Variants in EGF observed in about 807,000 individuals in gnomAD.
EGF encodes the protein epidermal growth factor.
In EGF, 95 loss-of-function variants were observed where a neutral mutation model predicts 143.8. The ratio of observed to expected loss-of-function variants is 0.66; its 90% CI spans 0.56 to 0.78. EGF has a LOEUF of 0.78. EGF is among the 30% of genes least tolerant of loss of function. EGF has a pLI of 0.00. For synonymous variants in EGF, 510 were observed against 510.5 expected, an observed-to-expected ratio of 1.00 and a Z score of 0.01; for missense variants, 1,320 against 1,470.9, an observed-to-expected ratio of 0.90 and a Z score of 1.68.
At chr4:109,980,216 T>TG in intron 14 of EGF, 77 bp downstream of exon 14, 2 of 1,399,554 alleles carry the variant, frequency 1.4e-6, no homozygotes, top group Non-Finnish European at 1.9e-6. Context: ...GTCATGCAGT[T>TG]GGCGGGGGGG....
At chr4:109,932,360 C>CATATATAT (rs57424246) in intron 1 of EGF, among the ~76,000 whole-genome samples, 880 of 86,986 alleles carry the variant, frequency 0.01, 63 homozygotes, top group African/African-American at 0.036. Context: ...CCCATTTAGT[C>CATATATAT]ATATATATAT....
intron 5 of EGF, among the ~76,000 whole-genome samples, chr4:109,948,546 C>T (rs771618664): frequency 2.0e-5 from 3 of 151,964 alleles, no homozygotes; most frequent in East Asian, 1.9e-4. Context: ...GTGCAATGTG[C>T]GATCTCGGCT....
At chr4:110,006,839 C>A (rs1753376194) in intron 22 of EGF, among the ~76,000 whole-genome samples, 1 of 152,228 alleles carries the variant, frequency 6.6e-6, no homozygotes, top group South Asian at 2.1e-4. Flanking sequence ...GCAACTGCTG[C>A]TGTAGATATC....
chr4:109,938,367 G>A (rs983579311), intron 1 of EGF, among the ~76,000 whole-genome samples: 5 of 152,142 alleles, frequency 3.3e-5, no homozygotes, highest in Admixed American at 3.3e-4. Context: ...GCTACATCAG[G>A]TCATTTAAGC....
chr4:109,991,747 G>T (rs573903420), intron 18 of EGF, among the ~76,000 whole-genome samples: 1 of 152,074 alleles, frequency 6.6e-6, no homozygotes, highest in African/African-American at 2.4e-5. Context: ...GAATCTTTAG[G>T]ATCTGAACTT....
intron 18 of EGF, 103 bp from the exon 19 acceptor site, chr4:109,993,144 A>G (rs1751269775): frequency 3.4e-6 from 5 of 1,470,154 alleles, no homozygotes; most frequent in Non-Finnish European, 4.7e-6. Flanking sequence ...AACATATAGC[A>G]TGACAGAAGC....
At chr4:109,981,963 C>T (rs1282595210) in intron 15 of EGF, among the ~76,000 whole-genome samples, 1 of 151,734 alleles carries the variant, frequency 6.6e-6, no homozygotes, top group African/African-American at 2.4e-5. Flanking sequence ...CAGGGTCTCC[C>T]TCTGTTGCTC....
intron 23 of EGF, 72 bp from the exon 24 acceptor site, chr4:110,011,130 C>A: frequency 6.4e-7 from 1 of 1,564,080 alleles, no homozygotes. Context: ...TCAACCACTA[C>A]CGTTTAGGGT....
At chr4:109,999,590 G>A in intron 20 of EGF, 89 bp from the exon 21 acceptor site, 1 of 1,532,862 alleles carries the variant, frequency 6.5e-7, no homozygotes, top group Non-Finnish European at 9.0e-7. Flanking sequence ...GAAATGCAGA[G>A]GTTGAGAGAC....
chr4:110,011,616 G>A lies in EGF; in HGVS notation c.*161G>A, dbSNP rs1374980005. ...CAGATACGTAGTTGTGCTTTTGTTT[G>A]CTCTTTTAAGCAGTCTCACTGCAGT... On this transcript the variant is annotated 3_prime_UTR_variant, in exon 24 of 24. Coordinates refer to ENST00000265171, the MANE Select transcript of EGF (RefSeq NM_001963.6). The A allele has an allele frequency of 2.7e-6, 3 of 1,090,918 alleles. No homozygotes were observed. The highest frequency in any genetic ancestry group is 3.2e-5 in the African/African-American group (2 of 63,450). The allele number at this position is 1,090,918 out of a possible 1,614,324, so 67.6% of individuals were successfully genotyped here.
In EGF at chr4:109,969,101, T is replaced by G; in HGVS notation, c.1706T>G (p.Phe569Cys). 1.2e-6 allele frequency: 2 copies of G among 1,614,042 alleles called. No individual in the cohort carries two copies. The highest frequency in any genetic ancestry group is 1.7e-6 in the Non-Finnish European group (2 of 1,179,964). ...GLAVDWIGRRFYWTDRGKSLI... is the reference protein window; with the variant it reads ...GLAVDWIGRRCYWTDRGKSLI... ...GCTGTGGACTGGATTGGCCGTAGAT[T>G]CTATTGGACAGACAGAGGGTATGTT... The change falls in exon 11 of 24, where the codon TTC (phenylalanine) becomes TGC (cysteine). Residue 569 changes from phenylalanine (F) to cysteine (C), a missense_variant. This residue lies in a region of EGF where 1,186 missense variants were observed against 1,313.7 expected (regional missense o/e 0.90). Coordinates refer to ENST00000265171, the MANE Select transcript of EGF (RefSeq NM_001963.6).
intron 1 of EGF, among the ~76,000 whole-genome samples, chr4:109,935,859 G>T (rs1045524470): frequency 1.3e-5 from 2 of 152,282 alleles, no homozygotes; most frequent in East Asian, 3.9e-4. Flanking sequence ...ATTGATTTGC[G>T]TATGTTGAAC....
At chr4:109,961,524 A>C (rs1745697384) in intron 7 of EGF, among the ~76,000 whole-genome samples, 1 of 152,016 alleles carries the variant, frequency 6.6e-6, no homozygotes, top group Admixed American at 6.6e-5. Flanking sequence ...TTTTATTTTA[A>C]TTTTTTAATT....
rs373046487 is a variant in EGF, at chr4:109,961,853, T to C, written c.1190-10T>C. The C allele has an allele frequency of 4.5e-4, 723 of 1,613,560 alleles. 13 individuals carry two copies. The South Asian group carries it at 6.9e-3, about 15-fold the overall frequency. On this transcript the variant is annotated splice_polypyrimidine_tract_variant and intron_variant, in intron 7 of 23. Coordinates refer to ENST00000265171, the MANE Select transcript of EGF (RefSeq NM_001963.6). ...TAACACTAATCTTGACCTTGTTCTT[T>C]ATTAATTAGAACTTGTTTCCTGTCC...
chr4:110,009,293 G>GA (rs1753708596), intron 23 of EGF, among the ~76,000 whole-genome samples: 1 of 152,106 alleles, frequency 6.6e-6, no homozygotes, highest in African/African-American at 2.4e-5. Context: ...CCCTGATAAT[G>GA]AAAAAATTCA....
At chr4:109,974,390 A>AT (rs1748147348) in intron 11 of EGF, among the ~76,000 whole-genome samples, 1 of 152,216 alleles carries the variant, frequency 6.6e-6, no homozygotes, top group Non-Finnish European at 1.5e-5. Flanking sequence ...ATTGGAAGTT[A>AT]TAAAGAGAAT....
intron 1 of EGF, among the ~76,000 whole-genome samples, chr4:109,931,153 AC>A (rs1739617352): frequency 6.6e-6 from 1 of 152,240 alleles, no homozygotes; most frequent in East Asian, 1.9e-4. Context: ...GTCTGAAAAA[AC>A]ATTACCATAT....
Position 109,999,823 on chromosome 4 carries a change from C to T in EGF, c.3150C>T (p.Ser1050=), listed in dbSNP as rs951934572. 3 of 1,613,562 alleles carry T rather than the reference C, an allele frequency of 1.9e-6. No homozygotes were observed. Among genetic ancestry groups the T allele is most frequent in the Non-Finnish European group, 2.5e-6 (3 of 1,180,036 alleles). Residue 1050 remains serine (S), a synonymous_variant, in exon 21 of 24, where the codon AGC becomes AGT. Transcript: ENST00000265171. ...TGCTTGTCATGCTGCTCCTCCTGAG[C>T]CTGTGGGGGGCCCACTACTACAGGT... ...VVVLVMLLLL[S]LWGAHYYRTQ...
chr4:109,934,474 T>G (rs1289498519), intron 1 of EGF, among the ~76,000 whole-genome samples: 1 of 152,220 alleles, frequency 6.6e-6, no homozygotes, highest in Non-Finnish European at 1.5e-5. Flanking sequence ...CTTTGTCAGA[T>G]GGGTAGATTG....
Sources: gnomAD v4.1 joint callset for allele counts (sites outside exome capture counted in the v4.1 genomes callset) on GRCh38, gnomAD v4.1.1 for gene constraint, gnomAD v4.1.1 regional missense constraint, MANE v1.5 for transcripts, NCBI Gene and HGNC (gene_info 2026-07-23, HGNC 2026-07-21) for gene names.